Variants in CPN1 observed in about 807,000 individuals in gnomAD.
CPN1 encodes the protein carboxypeptidase N subunit 1, also known as carboxypeptidase N catalytic chain.
A neutral mutation model predicts 46.4 loss-of-function variants in CPN1; 37 were observed. The observed-to-expected ratio is 0.80, with a 90% confidence interval of 0.61 to 1.05. The LOEUF (loss-of-function observed/expected upper bound fraction) is 1.05. CPN1 is among the 50% of genes least tolerant of loss of function. The pLI, the probability that CPN1 is intolerant of heterozygous loss-of-function variation, is 0.00. For missense variants in CPN1, 563 were observed against 602.6 expected, an observed-to-expected ratio of 0.93 and a Z score of 0.69; for synonymous variants, 224 against 235.4, an observed-to-expected ratio of 0.95 and a Z score of 0.44.
chr10:100,043,679 T>A (rs1175952728), intron 8 of CPN1, among the ~76,000 whole-genome samples: 3 of 151,648 alleles, frequency 2.0e-5, no homozygotes, highest in Admixed American at 6.6e-5. Flanking sequence ...TTTTTTTTTT[T>A]AATTTTAGAG....
intron 3 of CPN1, among the ~76,000 whole-genome samples, chr10:100,067,644 CGTGATCACCAGGG>C (rs2041461805): frequency 6.6e-6 from 1 of 152,176 alleles, no homozygotes; most frequent in Non-Finnish European, 1.5e-5. Context: ...TCCCACACAG[CGTGATCACCAGGG>C]GTGGCAGTGA....
chr10:100,046,233 C>A (rs1290025108), intron 8 of CPN1, among the ~76,000 whole-genome samples: 4 of 152,226 alleles, frequency 2.6e-5, no homozygotes, highest in Non-Finnish European at 4.4e-5. Flanking sequence ...GCAGTCCTTG[C>A]CAGTGGCACA....
At chr10:100,074,713 G>A (rs1003576184) in intron 2 of CPN1, among the ~76,000 whole-genome samples, 1 of 151,942 alleles carries the variant, frequency 6.6e-6, no homozygotes, top group Non-Finnish European at 1.5e-5. Flanking sequence ...CACCACGCCC[G>A]GCCGAAAACC....
At chr10:100,073,021 C>T (rs917511935) in intron 2 of CPN1, among the ~76,000 whole-genome samples, 2 of 152,106 alleles carry the variant, frequency 1.3e-5, no homozygotes, top group Non-Finnish European at 2.9e-5. Context: ...GATGAATCGC[C>T]GTTCTCATAT....
intron 2 of CPN1, among the ~76,000 whole-genome samples, chr10:100,073,936 C>A (rs1053066734): frequency 1.3e-5 from 2 of 152,034 alleles, no homozygotes; most frequent in Non-Finnish European, 1.5e-5. Context: ...ATCTTTAAAG[C>A]CAGCCGTGTA....
intron 5 of CPN1, among the ~76,000 whole-genome samples, chr10:100,060,416 G>T (rs928350754): frequency 6.6e-6 from 1 of 152,060 alleles, no homozygotes; most frequent in Non-Finnish European, 1.5e-5. Context: ...ACAAAAATTA[G>T]CCAGGTGTGG....
chr10:100,056,248 G>T (rs1221887092), intron 6 of CPN1, among the ~76,000 whole-genome samples: 1 of 152,124 alleles, frequency 6.6e-6, no homozygotes, highest in Non-Finnish European at 1.5e-5. Flanking sequence ...ATGATTAGTG[G>T]TGCTGAGCAT....
At chr10:100,051,653 G>A (rs895826967) in intron 7 of CPN1, among the ~76,000 whole-genome samples, 3 of 149,936 alleles carry the variant, frequency 2.0e-5, no homozygotes, top group Non-Finnish European at 4.4e-5. Context: ...TCAGCCTCCT[G>A]AGTATCTGGG....
intron 2 of CPN1, among the ~76,000 whole-genome samples, chr10:100,073,058 G>A (rs955887271): frequency 1.3e-5 from 2 of 152,066 alleles, no homozygotes; most frequent in Admixed American, 6.6e-5. Flanking sequence ...AATAAAATGC[G>A]GCAGATTACA....
chr10:100,046,229 C>T (rs1339662278), intron 8 of CPN1, among the ~76,000 whole-genome samples: 3 of 152,236 alleles, frequency 2.0e-5, no homozygotes, highest in African/African-American at 7.2e-5. Flanking sequence ...GGTGGCAGTC[C>T]TTGCCAGTGG....
At position 100,051,993 on chromosome 10, in the gene CPN1, C is replaced by T. The variant is rs369108937; in HGVS notation, c.1111+2354G>A. On this transcript the variant is annotated intron_variant, in intron 7 of 8. Transcript: ENST00000370418. ...TCGGCTCACTGCAACCTCCACCTCC[C>T]GGGTTCAAATGATTCTCATGCCTCT... Among the ~76,000 whole-genome samples the T allele has an allele frequency of 1.4e-4, 21 of 151,686 alleles. 1 individual carries two copies. The South Asian group carries it at 1.5e-3, about 11-fold the overall frequency.
chr10:100,068,301 C>T (rs1163085843), intron 3 of CPN1, among the ~76,000 whole-genome samples: 2 of 149,070 alleles, frequency 1.3e-5, no homozygotes, highest in African/African-American at 4.9e-5. Context: ...GCAACCTCTG[C>T]CTCCCAGGCT....
rs1323298522 is a variant in CPN1 at position 100,070,806 on chromosome 10, C to T, written c.421-937G>A. Among the ~76,000 whole-genome samples, 3 of 152,208 alleles carry T rather than the reference C, an allele frequency of 2.0e-5. No individual in the cohort carries two copies. In the East Asian group the frequency reaches 5.8e-4, roughly 29 times the overall value. On this transcript the variant is annotated intron_variant, in intron 2 of 8. Transcript: ENST00000370418. Reference sequence around the variant, plus strand: ...AACAGCTTTATTGAGATATAATTCACATACTATAAAATTTGCTCATTTTAA... The same window carrying T: ...AACAGCTTTATTGAGATATAATTCATATACTATAAAATTTGCTCATTTTAA...
At chr10:100,060,483 G>C (rs1342966085) in intron 5 of CPN1, among the ~76,000 whole-genome samples, 1 of 152,186 alleles carries the variant, frequency 6.6e-6, no homozygotes, top group Middle Eastern at 3.4e-3. Flanking sequence ...AATCGCTTGA[G>C]CCGGGAGGCA....
intron 5 of CPN1, among the ~76,000 whole-genome samples, chr10:100,058,603 A>G (rs2041398772): frequency 6.6e-6 from 1 of 152,156 alleles, no homozygotes; most frequent in Admixed American, 6.5e-5. Context: ...TGTCTGTACT[A>G]CCCAAAGTGA....
At position 100,054,348 on chromosome 10, in the gene CPN1, T is replaced by C. The variant is rs141953664; in HGVS notation, c.1110A>G (p.Ser370=). ...SVSGINHDVT[S]GDHGDYFRLL... ...TACCCCTAAGCAGTGACCACCTACC[T>C]GAAGTGACATCATGGTTAATCCCAC... is the stretch of plus-strand genomic sequence containing the variant. Residue 370 remains serine (S), a splice_region_variant and synonymous_variant, in exon 7 of 9, where the codon TCA becomes TCG. Coordinates refer to ENST00000370418, the MANE Select transcript of CPN1 (RefSeq NM_001308.3). 1.4e-4 allele frequency: 228 copies of C among 1,612,238 alleles called. 1 individual carries two copies. The African/African-American group carries it at 2.9e-3, about 20-fold the overall frequency.
intron 7 of CPN1, among the ~76,000 whole-genome samples, chr10:100,053,475 A>C (rs2041367136): frequency 1.3e-5 from 2 of 152,174 alleles, no homozygotes; most frequent in Middle Eastern, 6.8e-3. Flanking sequence ...AACACAAAAA[A>C]TTAGTCAGAT....
At chr10:100,077,286 A>G (rs1564777183) in intron 1 of CPN1, among the ~76,000 whole-genome samples, 1 of 137,734 alleles carries the variant, frequency 7.3e-6, no homozygotes, top group Non-Finnish European at 1.5e-5. Flanking sequence ...TCTGGAGTGC[A>G]GTGGCAAAAT....
chr10:100,049,520 C>A, intron 7 of CPN1, among the ~76,000 whole-genome samples: 1 of 152,208 alleles, frequency 6.6e-6, no homozygotes, highest in Non-Finnish European at 1.5e-5. Context: ...GCCTTGGCCT[C>A]CCAAAGTGCT....
Sources: allele counts gnomAD v4.1 joint callset (sites outside exome capture counted in the v4.1 genomes callset), GRCh38; gene constraint gnomAD v4.1.1; transcripts MANE v1.5; gene names NCBI Gene and HGNC (gene_info 2026-07-23, HGNC 2026-07-21).